Variants in CACNB2 observed in about 807,000 individuals in gnomAD.
The protein encoded by CACNB2 is voltage-dependent L-type calcium channel subunit beta-2.
CACNB2 carries 42 observed loss-of-function variants against 73.3 expected under a neutral mutation model. The ratio of observed to expected loss-of-function variants is 0.57; its 90% CI spans 0.45 to 0.74. CACNB2 has a LOEUF of 0.74. CACNB2 is among the 30% of genes least tolerant of loss of function. The pLI, the probability that CACNB2 is intolerant of heterozygous loss-of-function variation, is 0.00. For missense variants in CACNB2, 940 were observed against 853.0 expected (o/e 1.10, Z -1.27); for synonymous variants, 348 against 310.3 (o/e 1.12, Z -1.28).
intron 2 of CACNB2, among the ~76,000 whole-genome samples, chr10:18,368,522 A>C (rs1231997466): frequency 6.6e-6 from 1 of 152,208 alleles, no homozygotes; most frequent in Non-Finnish European, 1.5e-5. Flanking sequence ...CAAACTATTT[A>C]AGAGTTGCAT....
At chr10:18,307,249 G>T (rs1380810337) in intron 2 of CACNB2, among the ~76,000 whole-genome samples, 1 of 152,154 alleles carries the variant, frequency 6.6e-6, no homozygotes, top group Non-Finnish European at 1.5e-5. Context: ...AGATCACGAG[G>T]CCTGAAGTTT....
intron 2 of CACNB2, among the ~76,000 whole-genome samples, chr10:18,153,226 C>T (rs967293844): frequency 6.6e-6 from 1 of 151,228 alleles, no homozygotes; most frequent in African/African-American, 2.4e-5. Flanking sequence ...GGTAAATATA[C>T]AGGTCTGTTT....
At chr10:18,529,809 C>T (rs1006935226) in intron 10 of CACNB2, among the ~76,000 whole-genome samples, 3 of 152,082 alleles carry the variant, frequency 2.0e-5, no homozygotes, top group African/African-American at 7.2e-5. Context: ...TTTTTTATGT[C>T]CTTATCTATC....
chr10:18,528,538 G>C (rs936702936), intron 10 of CACNB2, among the ~76,000 whole-genome samples: 1 of 152,274 alleles, frequency 6.6e-6, no homozygotes, highest in South Asian at 2.1e-4. Flanking sequence ...AATCCTCTGA[G>C]AGGCTGGTTT....
chr10:18,515,097 A>G, intron 7 of CACNB2: 1 of 1,377,510 alleles, frequency 7.3e-7, no homozygotes, highest in Middle Eastern at 1.8e-4. Context: ...TGCCTTCTCC[A>G]TCAGTCAGAT....
intron 3 of CACNB2, among the ~76,000 whole-genome samples, chr10:18,463,486 G>T (rs373569579): frequency 6.6e-6 from 1 of 152,022 alleles, no homozygotes; most frequent in East Asian, 1.9e-4. Context: ...AGCTCACTGC[G>T]GCTTCACAGC....
chr10:18,151,528 G>A (rs532012723), intron 2 of CACNB2, among the ~76,000 whole-genome samples: 77 of 152,220 alleles, frequency 5.1e-4, no homozygotes, highest in African/African-American at 1.7e-3. Flanking sequence ...GTATCTTCCT[G>A]CCAAGCAGCC....
chr10:18,524,863 A>T (rs910963654), intron 9 of CACNB2, among the ~76,000 whole-genome samples: 1 of 116,092 alleles, frequency 8.6e-6, no homozygotes, highest in Non-Finnish European at 2.0e-5. Context: ...TGTTTCTACT[A>T]AAAAAAAAAA....
intron 3 of CACNB2, among the ~76,000 whole-genome samples, chr10:18,422,491 C>T (rs375085428): frequency 1.3e-5 from 2 of 152,174 alleles, no homozygotes; most frequent in East Asian, 3.8e-4. Context: ...TTTAAGATTC[C>T]ATGGACACAT....
chr10:18,373,406 C>A (rs2042668028), intron 2 of CACNB2, among the ~76,000 whole-genome samples: 1 of 152,138 alleles, frequency 6.6e-6, no homozygotes, highest in Non-Finnish European at 1.5e-5. Flanking sequence ...ATGATGATAG[C>A]AGCTATTATT....
intron 3 of CACNB2, among the ~76,000 whole-genome samples, chr10:18,409,107 G>A (rs2044466019): frequency 1.3e-5 from 2 of 152,082 alleles, no homozygotes; most frequent in Admixed American, 6.6e-5. Context: ...AGGCCAGGCT[G>A]GCCAACATGG....
At chr10:18,482,654 G>A (rs1178927277) in intron 3 of CACNB2, among the ~76,000 whole-genome samples, 2 of 152,058 alleles carry the variant, frequency 1.3e-5, no homozygotes, top group Non-Finnish European at 2.9e-5. Context: ...GGGAGTACTG[G>A]TGCCCGCCAC....
intron 2 of CACNB2, among the ~76,000 whole-genome samples, chr10:18,379,414 A>T (rs564140498): frequency 1.3e-5 from 2 of 152,226 alleles, no homozygotes; most frequent in Non-Finnish European, 2.9e-5. Flanking sequence ...TGGTTTTACC[A>T]TGTTGACCAG....
At chr10:18,502,726 CGCATGTTTTTACTTATAAGTGAGA>C (rs1287029585) in intron 5 of CACNB2, among the ~76,000 whole-genome samples, 6 of 127,482 alleles carry the variant, frequency 4.7e-5, no homozygotes, top group African/African-American at 1.8e-4. Flanking sequence ...AAAAAAAAAC[CGCATGTTTTTACTTATAAGTGAGA>C]GCTAAACATT....
chr10:18,541,237 A>AAAGT lies in CACNB2; in HGVS notation c.*1514_*1517dup, dbSNP rs1491467689. Reference sequence around the variant, plus strand: ...GAACCCAGAAGTGCTTCTTATAACCAAAGTTTCTGTTCTTCAGAAGAAATC... The same window carrying AAAGT: ...GAACCCAGAAGTGCTTCTTATAACCAAAGTAAGTTTCTGTTCTTCAGAAGAAATC... On this transcript the variant is annotated 3_prime_UTR_variant, in exon 14 of 14. Transcript: ENST00000324631. The AAAGT allele has an allele frequency of 1.3e-5, 2 of 152,698 alleles. No homozygotes were observed. Among genetic ancestry groups the AAAGT allele is most frequent in the Non-Finnish European group, 2.9e-5 (2 of 68,046 alleles). The allele number at this position is 152,698 out of a possible 1,614,324, so 9.5% of individuals were successfully genotyped here.
At chr10:18,447,245 T>G (rs2132577676) in intron 3 of CACNB2, among the ~76,000 whole-genome samples, 1 of 152,238 alleles carries the variant, frequency 6.6e-6, no homozygotes, top group Admixed American at 6.5e-5. Context: ...CCTTATCTTG[T>G]TGTTAAAATG....
chr10:18,317,592 C>A (rs1030051938), intron 2 of CACNB2, among the ~76,000 whole-genome samples: 1 of 152,108 alleles, frequency 6.6e-6, no homozygotes, highest in Non-Finnish European at 1.5e-5. Flanking sequence ...TGCATAGTAT[C>A]CTGTGGGTGT....
chr10:18,242,037 G>T (rs550349915), intron 2 of CACNB2, among the ~76,000 whole-genome samples: 1 of 151,776 alleles, frequency 6.6e-6, no homozygotes, highest in South Asian at 2.1e-4. Flanking sequence ...ACATAGTCAA[G>T]TAACAAAAGA....
intron 2 of CACNB2, among the ~76,000 whole-genome samples, chr10:18,335,325 A>G (rs1392918683): frequency 2.6e-5 from 4 of 152,184 alleles, no homozygotes; most frequent in Non-Finnish European, 4.4e-5. Flanking sequence ...CTGTAATCCC[A>G]GCGCTTTGGG....
Sources: gnomAD v4.1 joint callset for allele counts (sites outside exome capture counted in the v4.1 genomes callset) on GRCh38, gnomAD v4.1.1 for gene constraint, MANE v1.5 for transcripts, NCBI Gene and HGNC (gene_info 2026-07-23, HGNC 2026-07-21) for gene names.